Variants in ABI3BP observed in about 807,000 individuals in gnomAD.
ABI3BP encodes the protein target of Nesh-SH3.
ABI3BP carries 216 observed loss-of-function variants against 268.6 expected under a neutral mutation model. The observed-to-expected ratio is 0.80, with a 90% CI of 0.72 to 0.90. The LOEUF is 0.90. Among genes scored for constraint, ABI3BP ranks in the 40% least tolerant of loss-of-function variants. ABI3BP has a pLI of 0.00. For missense variants in ABI3BP, 2,090 were observed against 2,182.4 expected, an observed-to-expected ratio of 0.96 and a Z score of 0.84; for synonymous variants, 730 against 730.0, an observed-to-expected ratio of 1.00 and a Z score of 0.00.
chr3:100,895,393 C>T (rs570169637), intron 4 of ABI3BP, among the ~76,000 whole-genome samples: 42 of 152,232 alleles, frequency 2.8e-4, no homozygotes, highest in Non-Finnish European at 5.7e-4. Flanking sequence ...TTGATACTTC[C>T]AAGCTAAAAA....
chr3:100,820,475 A>T (rs564421448), intron 39 of ABI3BP, among the ~76,000 whole-genome samples, 172 bp from the exon 40 acceptor site: 2 of 131,442 alleles, frequency 1.5e-5, no homozygotes, highest in Non-Finnish European at 3.6e-5. Context: ...AAGAAAGTTG[A>T]TTGGGAGGAA....
intron 1 of ABI3BP, among the ~76,000 whole-genome samples, chr3:100,933,808 G>C (rs1022034891): frequency 6.6e-6 from 1 of 151,780 alleles, no homozygotes; most frequent in African/African-American, 2.4e-5. Context: ...ATCTGGGTTT[G>C]GGAGATATTG....
At chr3:100,808,918 C>T (rs2097779666) in intron 49 of ABI3BP, among the ~76,000 whole-genome samples, 1 of 152,022 alleles carries the variant, frequency 6.6e-6, no homozygotes, top group Non-Finnish European at 1.5e-5. Flanking sequence ...CTTATGGAAA[C>T]ACCTCATTTG....
At chr3:100,769,850 AAGCT>A in intron 62 of ABI3BP, among the ~76,000 whole-genome samples, 1 of 152,318 alleles carries the variant, frequency 6.6e-6, no homozygotes, top group East Asian at 1.9e-4. Context: ...GTGGTAAAGA[AAGCT>A]AGTTAAGATA....
chr3:100,901,401 T>C (rs560544653), intron 3 of ABI3BP, among the ~76,000 whole-genome samples: 51 of 152,180 alleles, frequency 3.4e-4, no homozygotes, highest in African/African-American at 1.2e-3. Context: ...TTTTATCGTG[T>C]GGTATCCAGT....
At chr3:100,779,962 A>G (rs1207921942) in intron 58 of ABI3BP, among the ~76,000 whole-genome samples, 170 bp downstream of exon 58, 1 of 152,190 alleles carries the variant, frequency 6.6e-6, no homozygotes, top group East Asian at 1.9e-4. Context: ...TAATTCCTCC[A>G]AAGATAATAT....
chr3:100,910,305 T>C (rs1046095820), intron 2 of ABI3BP, among the ~76,000 whole-genome samples: 34 of 152,146 alleles, frequency 2.2e-4, no homozygotes, highest in Non-Finnish European at 5.0e-4. Flanking sequence ...AAATACCTAA[T>C]GTAGATGATG....
chr3:100,923,044 G>A (rs568600809), intron 2 of ABI3BP, among the ~76,000 whole-genome samples: 44 of 152,250 alleles, frequency 2.9e-4, no homozygotes, highest in Admixed American at 7.9e-4. Context: ...AAATATGTAC[G>A]AGGAATGTTT....
At chr3:100,820,083 C>A in intron 40 of ABI3BP, 137 bp downstream of exon 40, 2 of 699,064 alleles carry the variant, frequency 2.9e-6, no homozygotes, top group Non-Finnish European at 4.7e-6. Flanking sequence ...GCTAACTCAA[C>A]AGGGGGAGCA....
intron 1 of ABI3BP, among the ~76,000 whole-genome samples, chr3:100,983,151 C>G (rs1188474898): frequency 6.6e-6 from 1 of 152,208 alleles, no homozygotes; most frequent in Non-Finnish European, 1.5e-5. Context: ...GAAGCTCCAC[C>G]TTGGCATCAC....
chr3:100,906,846 C>T (rs959371043), intron 2 of ABI3BP, among the ~76,000 whole-genome samples: 1 of 152,112 alleles, frequency 6.6e-6, no homozygotes, highest in Non-Finnish European at 1.5e-5. Flanking sequence ...TGGGTCTGCT[C>T]CCATTAGAGG....
intron 29 of ABI3BP, among the ~76,000 whole-genome samples, chr3:100,833,528 G>C (rs1437129540): frequency 2.0e-5 from 3 of 152,172 alleles, no homozygotes; most frequent in African/African-American, 7.2e-5. Context: ...GTTCATGATA[G>C]ATGCAATTAC....
At chr3:100,809,948 C>G (rs540308430) in intron 49 of ABI3BP, among the ~76,000 whole-genome samples, 2 of 151,952 alleles carry the variant, frequency 1.3e-5, no homozygotes, top group South Asian at 4.2e-4. Context: ...AGAAAGATAT[C>G]TGAATAACTA....
intron 6 of ABI3BP, among the ~76,000 whole-genome samples, chr3:100,881,281 G>A (rs2039105978): frequency 6.6e-6 from 1 of 152,006 alleles, no homozygotes; most frequent in Non-Finnish European, 1.5e-5. Context: ...GGACCATAAA[G>A]GTAATCTCTC....
chr3:100,850,823 T>C, intron 15 of ABI3BP, 89 bp from the exon 16 acceptor site: 1 of 970,240 alleles, frequency 1.0e-6, no homozygotes. Flanking sequence ...ATGCCTCATA[T>C]GAGGAAAAAT....
In ABI3BP at chr3:100,956,214, AACACACACACACACACACAC is replaced by A. The variant is rs58723365; in HGVS notation, c.80-29753_80-29734del. On this transcript the variant is annotated intron_variant, in intron 1 of 67. Transcript: ENST00000471714. ...TGTCTCAAAAAAAAAAAAGAAAAAC[AACACACACACACACACACAC>A]ACACACACACACACACACACACACA... 7.6e-3 allele frequency among the ~76,000 whole-genome samples: 1,016 copies of A among 133,746 alleles called. 7 individuals carry two copies. The highest frequency in any genetic ancestry group is 0.027 in the African/African-American group (947 of 34,748). The allele number at this position is 133,746 out of a possible 152,430, so 87.7% of individuals were successfully genotyped here.
At chr3:100,839,721 T>C in intron 23 of ABI3BP, 105 bp from the exon 24 acceptor site, 4 of 1,240,010 alleles carry the variant, frequency 3.2e-6, no homozygotes, top group Non-Finnish European at 4.6e-6. Flanking sequence ...ATGCATTTTT[T>C]CTGAATGTGA....
At position 100,926,422 on chromosome 3, in the gene ABI3BP, A is replaced by T. The variant is rs974646859; in HGVS notation, c.139T>A (p.Phe47Ile). 1.2e-6 allele frequency: 2 copies of T among 1,613,466 alleles called. No homozygotes were observed. Among genetic ancestry groups the T allele is most frequent in the Non-Finnish European group, 1.7e-6 (2 of 1,179,582 alleles). The change falls in exon 2 of 68, where the codon TTC (phenylalanine) becomes ATC (isoleucine). Residue 47 changes from phenylalanine to isoleucine, a missense_variant. Phe to Ile is a conservative substitution (Grantham distance 21). Transcript: ENST00000471714. ...NTTSDSILLK[F>I]LRPSPNVKLE... ...TTTACATTTGGACTTGGACGCAAGAACTTCAAGAGGATGGAGTCACTTGTG... is the reference window on the plus strand; with the variant it reads ...TTTACATTTGGACTTGGACGCAAGATCTTCAAGAGGATGGAGTCACTTGTG...
At chr3:100,964,210 T>C (rs1490321151) in intron 1 of ABI3BP, among the ~76,000 whole-genome samples, 1 of 152,108 alleles carries the variant, frequency 6.6e-6, no homozygotes, top group African/African-American at 2.4e-5. Context: ...CATCTTCCCT[T>C]TCTTTGTCAG....
Sources: gnomAD v4.1 joint callset for allele counts (sites outside exome capture counted in the v4.1 genomes callset) on GRCh38, gnomAD v4.1.1 for gene constraint, MANE v1.5 for transcripts, NCBI Gene and HGNC (gene_info 2026-07-23, HGNC 2026-07-21) for gene names.